Variants in OXR1 observed in about 807,000 individuals in gnomAD.
OXR1 encodes the protein oxidation resistance 1.
Under a neutral mutation model 104.6 loss-of-function variants are expected in OXR1, and 41 were observed. The ratio of observed to expected loss-of-function variants is 0.39; its 90% confidence interval spans 0.31 to 0.51. The LOEUF (loss-of-function observed/expected upper bound fraction) is 0.51, where lower values mean the gene tolerates loss of function less well. OXR1 is among the 20% of genes least tolerant of loss of function. The probability of loss-of-function intolerance (pLI) is 0.77; values close to 1 mark genes in which losing one functional copy is unlikely to be tolerated. For missense variants in OXR1, 955 were observed against 1,031.9 expected (o/e 0.93, Z 1.02); for synonymous variants, 348 against 348.4 (o/e 1.00, Z 0.01).
At chr8:106,720,161 T>C (rs1281866838) in intron 11 of OXR1, among the ~76,000 whole-genome samples, 1 of 152,180 alleles carries the variant, frequency 6.6e-6, no homozygotes, top group Non-Finnish European at 1.5e-5. Context: ...TAGTGGTTAA[T>C]CTCTAATTCA....
intron 1 of OXR1, among the ~76,000 whole-genome samples, chr8:106,280,486 C>T (rs1001933940): frequency 6.6e-6 from 1 of 152,112 alleles, no homozygotes; most frequent in African/African-American, 2.4e-5. Context: ...CACCAGTCTC[C>T]ATCTTCATCA....
chr8:106,341,387 C>CTATATATATATATATATATATATATA (rs1254416772), intron 1 of OXR1, among the ~76,000 whole-genome samples: 1 of 101,832 alleles, frequency 9.8e-6, no homozygotes, highest in Non-Finnish European at 1.9e-5. Context: ...ATTAGTCAAT[C>CTATATATATATATATATATATATATA]TACATATATA....
intron 3 of OXR1, chr8:106,605,342 T>C (rs1820288757): frequency 6.6e-6 from 1 of 152,146 alleles, no homozygotes. Context: ...CTGTCTTAGG[T>C]CTATTTGTAC....
chr8:106,307,028 G>C (rs1287934123), intron 1 of OXR1, among the ~76,000 whole-genome samples: 1 of 152,064 alleles, frequency 6.6e-6, no homozygotes, highest in Non-Finnish European at 1.5e-5. Flanking sequence ...CAGGAGAAGG[G>C]GATACCAACT....
At chr8:106,485,159 G>T (rs1377406) in intron 2 of OXR1, among the ~76,000 whole-genome samples, 16,412 of 151,288 alleles carry the variant, frequency 0.11, 985 homozygotes, top group African/African-American at 0.15. Flanking sequence ...GTTACCAGGG[G>T]TTCAAAGGAG....
chr8:106,293,607 A>G (rs1239920742), intron 1 of OXR1, among the ~76,000 whole-genome samples: 1 of 152,224 alleles, frequency 6.6e-6, no homozygotes. Context: ...TAATTTATGA[A>G]GAACAGAAAT....
chr8:106,521,556 A>G (rs1030423326), intron 3 of OXR1, among the ~76,000 whole-genome samples: 3 of 152,168 alleles, frequency 2.0e-5, no homozygotes, highest in African/African-American at 7.2e-5. Flanking sequence ...TCTGTTGCCC[A>G]GGCTGGAGTT....
At chr8:106,445,959 C>A (rs1460316192) in intron 2 of OXR1, among the ~76,000 whole-genome samples, 1 of 152,180 alleles carries the variant, frequency 6.6e-6, no homozygotes, top group Non-Finnish European at 1.5e-5. Context: ...GTAACAAGAC[C>A]AGGGCCTTAC....
At chr8:106,543,825 A>G (rs930644491) in intron 3 of OXR1, among the ~76,000 whole-genome samples, 2 of 152,182 alleles carry the variant, frequency 1.3e-5, no homozygotes, top group Non-Finnish European at 2.9e-5. Context: ...AAAACCTCCC[A>G]TTGCCATCCA....
intron 3 of OXR1, among the ~76,000 whole-genome samples, chr8:106,577,119 C>A (rs7387021): frequency 6.6e-6 from 1 of 151,796 alleles, no homozygotes; most frequent in Admixed American, 6.6e-5. Context: ...AGTATTTGCT[C>A]CATGAAATTA....
chr8:106,275,006 C>T (rs1331656739), intron 1 of OXR1, among the ~76,000 whole-genome samples: 1 of 152,232 alleles, frequency 6.6e-6, no homozygotes, highest in African/African-American at 2.4e-5. Flanking sequence ...GACACTGGGA[C>T]TCTTGCACTT....
At chr8:106,328,844 T>C (rs918070704) in intron 1 of OXR1, among the ~76,000 whole-genome samples, 3 of 152,184 alleles carry the variant, frequency 2.0e-5, no homozygotes, top group Non-Finnish European at 4.4e-5. Context: ...TGAAATAACC[T>C]AGTGGCATTA....
chr8:106,546,933 C>T (rs1188684135), intron 3 of OXR1, among the ~76,000 whole-genome samples: 2 of 152,210 alleles, frequency 1.3e-5, no homozygotes, highest in East Asian at 1.9e-4. Flanking sequence ...CACTATGTCG[C>T]CAGGCTGGAG....
intron 11 of OXR1, among the ~76,000 whole-genome samples, chr8:106,732,441 A>G (rs1213564545): frequency 6.6e-6 from 1 of 152,166 alleles, no homozygotes; most frequent in African/African-American, 2.4e-5. Flanking sequence ...GAGTACTGGC[A>G]AGGGATATCC....
intron 3 of OXR1, among the ~76,000 whole-genome samples, chr8:106,592,191 G>A (rs568484542): frequency 1.3e-3 from 200 of 152,096 alleles, no homozygotes; most frequent in Non-Finnish European, 2.1e-3. Flanking sequence ...GTGTGCCTAC[G>A]TAGAAGTACT....
At chr8:106,508,639 A>G (rs918241137) in intron 2 of OXR1, among the ~76,000 whole-genome samples, 3 of 152,244 alleles carry the variant, frequency 2.0e-5, no homozygotes, top group Non-Finnish European at 4.4e-5. Flanking sequence ...AACATTTATA[A>G]TGACTTAAGG....
At chr8:106,540,831 C>A (rs758542067) in intron 3 of OXR1, among the ~76,000 whole-genome samples, 1 of 152,160 alleles carries the variant, frequency 6.6e-6, no homozygotes, top group Admixed American at 6.5e-5. Flanking sequence ...CATCAGATCT[C>A]GTGAGACTCA....
chr8:106,488,108 T>C (rs368700138), intron 2 of OXR1, among the ~76,000 whole-genome samples: 2 of 146,668 alleles, frequency 1.4e-5, no homozygotes, highest in African/African-American at 2.6e-5. Context: ...TTTTAATGAT[T>C]GCCATTCTAA....
At chr8:106,656,306 T>C (rs1825066974) in intron 3 of OXR1, 1 of 152,444 alleles carries the variant, frequency 6.6e-6, no homozygotes, top group Non-Finnish European at 1.5e-5. Context: ...GGTGCCAGCA[T>C]AGTTGGTTTC....
Sources: allele counts gnomAD v4.1 joint callset (sites outside exome capture counted in the v4.1 genomes callset), GRCh38; gene constraint gnomAD v4.1.1; transcripts MANE v1.5; gene names NCBI Gene and HGNC (gene_info 2026-07-23, HGNC 2026-07-21).